The following SNTG2 variants were observed in gnomAD, a reference collection of about 807,000 sequenced individuals.
SNTG2 encodes the protein syntrophin gamma 2, also known as gamma-2-syntrophin.
Under a neutral mutation model 70.9 loss-of-function variants are expected in SNTG2, and 74 were observed. That is an observed-to-expected ratio of 1.04 (90% CI 0.86 to 1.27). The LOEUF (loss-of-function observed/expected upper bound fraction) is 1.27. Ranked by LOEUF, SNTG2 falls within the 50% of genes most tolerant of loss-of-function variation. The pLI, the probability that SNTG2 is intolerant of heterozygous loss-of-function variation, is 0.00. For synonymous variants in SNTG2, 278 were observed against 273.8 expected (o/e 1.02, Z -0.15); for missense variants, 717 against 690.7 (o/e 1.04, Z -0.43).
chr2:1,083,716 T>G, intron 2 of SNTG2, 61 bp downstream of exon 2: 1 of 1,586,954 alleles, frequency 6.3e-7, no homozygotes, highest in Non-Finnish European at 8.6e-7. Context: ...TGAACGGTCT[T>G]TGAAAAGTGT....
chr2:1,100,859 A>G (rs1416159222), intron 4 of SNTG2, among the ~76,000 whole-genome samples: 1 of 152,138 alleles, frequency 6.6e-6, no homozygotes, highest in African/African-American at 2.4e-5. Context: ...GTTTATGGTC[A>G]ATTCAGAAGG....
At chr2:1,285,259 A>G (rs1679719900) in intron 14 of SNTG2, among the ~76,000 whole-genome samples, 2 of 152,066 alleles carry the variant, frequency 1.3e-5, no homozygotes, top group Admixed American at 1.3e-4. Flanking sequence ...CAGCCCACTG[A>G]CTCAAATGTT....
chr2:1,205,825 A>G (rs983100301), intron 8 of SNTG2, among the ~76,000 whole-genome samples: 2 of 152,190 alleles, frequency 1.3e-5, no homozygotes, highest in Admixed American at 1.3e-4. Context: ...TGACAATCTT[A>G]TAATAACTGT....
At chr2:1,270,199 C>T (rs1450664800) in intron 14 of SNTG2, among the ~76,000 whole-genome samples, 1 of 152,216 alleles carries the variant, frequency 6.6e-6, no homozygotes, top group African/African-American at 2.4e-5. Context: ...CCTATCAGAT[C>T]TGCCCATGGT....
rs1553361982 is a variant in SNTG2, at chr2:1,221,991, C to T, written c.719+12761C>T. Among the ~76,000 whole-genome samples the T allele has an allele frequency of 5.5e-5, 2 of 36,530 alleles. 1 individual carries two copies. Among genetic ancestry groups the T allele is most frequent in the Non-Finnish European group, 1.4e-4 (2 of 14,622 alleles). The allele number at this position is 36,530 out of a possible 152,430, so 24.0% of individuals were successfully genotyped here. On this transcript the variant is annotated intron_variant, in intron 9 of 16. Coordinates refer to ENST00000308624, the MANE Select transcript of SNTG2 (RefSeq NM_018968.4). The stretch of plus-strand genomic sequence containing the variant: ...TGTCTCTGTCTCTGTCTCTCTCTGT[C>T]TCTGTCTCTGTCTCTCTCTGTCTCT...
intron 8 of SNTG2, among the ~76,000 whole-genome samples, chr2:1,180,898 A>T (rs913904677): frequency 1.3e-5 from 2 of 152,194 alleles, no homozygotes; most frequent in Non-Finnish European, 2.9e-5. Flanking sequence ...ATAAAAAATG[A>T]TGAGTTCATG....
chr2:1,157,235 A>G (rs4246564), intron 6 of SNTG2, among the ~76,000 whole-genome samples: 135,718 of 152,092 alleles, frequency 0.89, 61,801 homozygotes, highest in Non-Finnish European at 0.98. Flanking sequence ...ATGTGTCACT[A>G]GAGACTTGGT....
chr2:1,154,784 C>T (rs1224721492), intron 6 of SNTG2, among the ~76,000 whole-genome samples: 1 of 152,014 alleles, frequency 6.6e-6, no homozygotes, highest in African/African-American at 2.4e-5. Flanking sequence ...GCCCACCTTC[C>T]TTCTACCTCC....
At chr2:1,093,788 C>T (rs909002056) in intron 2 of SNTG2, among the ~76,000 whole-genome samples, 8 of 152,266 alleles carry the variant, frequency 5.3e-5, no homozygotes, top group Admixed American at 1.3e-4. Context: ...TGGGCTCCAC[C>T]GTAATAAGGA....
chr2:1,242,849 T>A (rs28398984), intron 11 of SNTG2: 1 of 152,098 alleles, frequency 6.6e-6, no homozygotes, highest in Non-Finnish European at 1.5e-5. Context: ...TCAGAAAAGA[T>A]AAAAAATATA....
intron 1 of SNTG2, among the ~76,000 whole-genome samples, chr2:1,059,890 A>T (rs1662701507): frequency 6.6e-6 from 1 of 152,228 alleles, no homozygotes; most frequent in Non-Finnish European, 1.5e-5. Context: ...AGACAGAGTT[A>T]TATTGGATCA....
chr2:1,298,020 G>A (rs1339769946), intron 14 of SNTG2, among the ~76,000 whole-genome samples: 2 of 152,254 alleles, frequency 1.3e-5, no homozygotes, highest in Non-Finnish European at 2.9e-5. Flanking sequence ...GCTGCAAGGG[G>A]TGACGGACAG....
intron 12 of SNTG2, among the ~76,000 whole-genome samples, chr2:1,251,453 TACACACACCAC>T (rs1212927125): frequency 3.5e-5 from 4 of 114,360 alleles, no homozygotes; most frequent in Middle Eastern, 6.9e-3. Context: ...CACCACACAC[TACACACACCAC>T]ACACACACCA....
intron 2 of SNTG2, among the ~76,000 whole-genome samples, chr2:1,090,347 C>A (rs375928637): frequency 2.2e-4 from 34 of 152,122 alleles, no homozygotes; most frequent in African/African-American, 8.0e-4. Flanking sequence ...TGTGTACATT[C>A]GCTAGAAGTT....
intron 9 of SNTG2, among the ~76,000 whole-genome samples, chr2:1,231,059 T>G (rs59666718): frequency 5.3e-5 from 7 of 133,236 alleles, no homozygotes; most frequent in African/African-American, 2.0e-4. Flanking sequence ...ACTGCGAGGG[T>G]GAAATAGATC....
intron 9 of SNTG2, among the ~76,000 whole-genome samples, chr2:1,223,701 T>C (rs969064508): frequency 6.6e-6 from 1 of 152,228 alleles, no homozygotes; most frequent in African/African-American, 2.4e-5. Flanking sequence ...CAGGCGTGTC[T>C]GGTGGAAAGA....
chr2:1,151,893 A>C (rs1207463793), intron 6 of SNTG2, among the ~76,000 whole-genome samples: 2 of 152,184 alleles, frequency 1.3e-5, no homozygotes, highest in African/African-American at 4.8e-5. Context: ...AAGAGCACTA[A>C]GCATCAGAAC....
At chr2:1,230,826 C>T (rs1676170551) in intron 9 of SNTG2, among the ~76,000 whole-genome samples, 1 of 152,232 alleles carries the variant, frequency 6.6e-6, no homozygotes, top group East Asian at 1.9e-4. Flanking sequence ...AATGACAGTG[C>T]CTCTTCCATA....
chr2:1,045,145 A>G (rs753271342), intron 1 of SNTG2, among the ~76,000 whole-genome samples: 1 of 151,836 alleles, frequency 6.6e-6, no homozygotes, highest in Non-Finnish European at 1.5e-5. Flanking sequence ...CCAGGAATCT[A>G]TTAATTTCTT....
Sources: gnomAD v4.1 joint callset for allele counts (sites outside exome capture counted in the v4.1 genomes callset) on GRCh38, gnomAD v4.1.1 for gene constraint, MANE v1.5 for transcripts, NCBI Gene and HGNC (gene_info 2026-07-23, HGNC 2026-07-21) for gene names.